ADAMTSL1: variants seen among roughly 807,000 people sequenced by gnomAD.
ADAMTSL1 encodes the protein ADAMTS like 1, also known as ADAMTS-like protein 1.
A neutral mutation model predicts 201.8 loss-of-function variants in ADAMTSL1; 126 were observed. The observed-to-expected ratio is 0.62, with a 90% CI of 0.54 to 0.72. The LOEUF (loss-of-function observed/expected upper bound fraction) is 0.72. ADAMTSL1 is among the 30% of genes least tolerant of loss of function. ADAMTSL1 has a pLI of 0.00. For missense variants in ADAMTSL1, 2,679 were observed against 2,277.8 expected (o/e 1.18, Z -3.59); for synonymous variants, 1,121 against 903.4 (o/e 1.24, Z -4.32).
intron 1 of ADAMTSL1, among the ~76,000 whole-genome samples, chr9:18,022,541 T>C (rs1820521858): frequency 6.6e-6 from 1 of 151,260 alleles, no homozygotes; most frequent in Non-Finnish European, 1.5e-5. Context: ...AAACGTAATG[T>C]TATTTTTTTT....
chr9:18,138,853 C>A (rs1342066881), intron 1 of ADAMTSL1, among the ~76,000 whole-genome samples: 1 of 152,080 alleles, frequency 6.6e-6, no homozygotes, highest in South Asian at 2.1e-4. Context: ...CGCTCTGCCT[C>A]AAGTGGATTG....
intron 2 of ADAMTSL1, among the ~76,000 whole-genome samples, chr9:18,436,716 C>G (rs369946550): frequency 2.0e-5 from 3 of 152,264 alleles, no homozygotes; most frequent in African/African-American, 4.8e-5. Context: ...CTGATTCCCC[C>G]CTCCTCCTGG....
chr9:18,457,080 C>T (rs1418733039), intron 2 of ADAMTSL1, among the ~76,000 whole-genome samples: 1 of 151,934 alleles, frequency 6.6e-6, no homozygotes, highest in Non-Finnish European at 1.5e-5. Context: ...ATTTTGTCAC[C>T]CCACATTTCA....
chr9:18,572,320 G>T (rs374709283), intron 3 of ADAMTSL1, among the ~76,000 whole-genome samples: 1 of 151,980 alleles, frequency 6.6e-6, no homozygotes, highest in East Asian at 1.9e-4. Flanking sequence ...CAAAATAAAC[G>T]TGTAAACAGC....
At chr9:18,895,688 C>T (rs758297451) in intron 26 of ADAMTSL1, among the ~76,000 whole-genome samples, 27 of 152,262 alleles carry the variant, frequency 1.8e-4, no homozygotes, top group Non-Finnish European at 2.5e-4. Flanking sequence ...GAAGACCTTA[C>T]GCTTTCACCT....
In ADAMTSL1 at chr9:18,892,290, C is replaced by A. The variant is rs528709949; in HGVS notation, c.4644-99C>A. On this transcript the variant is annotated intron_variant, in intron 25 of 28. Transcript: ENST00000380548. ...AATACTGTAAAAAGGGCCTTGGCCC[C>A]AAATTAGTGGCAAGAGCAGGGATGT... The A allele has an allele frequency of 1.9e-4, 238 of 1,261,868 alleles. No individual in the cohort carries two copies. In the Middle Eastern group the frequency reaches 4.6e-3, roughly 24 times the overall value. The allele number at this position is 1,261,868 out of a possible 1,614,324, so 78.2% of individuals were successfully genotyped here.
intron 20 of ADAMTSL1, chr9:18,796,610 A>T (rs1822437758): frequency 6.6e-6 from 1 of 152,240 alleles, no homozygotes; most frequent in East Asian, 1.9e-4. Context: ...CCATGACTTC[A>T]GGCTGATCTG....
chr9:18,278,229 T>C (rs989667972), intron 2 of ADAMTSL1, among the ~76,000 whole-genome samples: 1 of 152,190 alleles, frequency 6.6e-6, no homozygotes, highest in Non-Finnish European at 1.5e-5. Context: ...GAATTTGACT[T>C]TTGATGTTTA....
intron 26 of ADAMTSL1, among the ~76,000 whole-genome samples, chr9:18,905,067 C>A (rs1031456449): frequency 6.6e-6 from 1 of 152,150 alleles, no homozygotes; most frequent in Non-Finnish European, 1.5e-5. Flanking sequence ...AAGTTAAGAG[C>A]CTTTGTTCTA....
intron 1 of ADAMTSL1, among the ~76,000 whole-genome samples, chr9:18,058,677 C>A (rs183558403): frequency 6.6e-6 from 1 of 151,030 alleles, no homozygotes; most frequent in African/African-American, 2.4e-5. Flanking sequence ...CTGATTCTTT[C>A]CCTAACTGAG....
chr9:18,452,567 A>T (rs570471543), intron 2 of ADAMTSL1, among the ~76,000 whole-genome samples: 17 of 152,218 alleles, frequency 1.1e-4, no homozygotes, highest in Non-Finnish European at 2.2e-4. Context: ...ATTCATCCTA[A>T]GTCAAATTTC....
chr9:17,947,756 C>T (rs1827568141), intron 1 of ADAMTSL1, among the ~76,000 whole-genome samples: 1 of 152,110 alleles, frequency 6.6e-6, no homozygotes, highest in Non-Finnish European at 1.5e-5. Flanking sequence ...GTCAAGCATC[C>T]AGTTAATGGC....
At chr9:18,542,891 T>C (rs1820237073) in intron 3 of ADAMTSL1, among the ~76,000 whole-genome samples, 1 of 152,214 alleles carries the variant, frequency 6.6e-6, no homozygotes, top group South Asian at 2.1e-4. Context: ...TCATGGGTAA[T>C]TTCTCCTGAT....
intron 1 of ADAMTSL1, among the ~76,000 whole-genome samples, chr9:18,010,836 A>G (rs1011677070): frequency 3.3e-5 from 5 of 152,084 alleles, no homozygotes; most frequent in African/African-American, 1.2e-4. Context: ...CAAAAATGTA[A>G]TACACAATTA....
chr9:17,930,695 G>T (rs909552764), intron 1 of ADAMTSL1, among the ~76,000 whole-genome samples: 3 of 152,166 alleles, frequency 2.0e-5, no homozygotes, highest in Non-Finnish European at 2.9e-5. Context: ...AAATAGGAGT[G>T]TGAGTTTTGT....
intron 23 of ADAMTSL1, among the ~76,000 whole-genome samples, chr9:18,834,557 A>G (rs192690539): frequency 6.6e-6 from 1 of 152,272 alleles, no homozygotes; most frequent in African/African-American, 2.4e-5. Context: ...CATCACCACA[A>G]TCAATATAAT....
At chr9:18,202,922 A>G (rs1437865029) in intron 2 of ADAMTSL1, among the ~76,000 whole-genome samples, 1 of 152,144 alleles carries the variant, frequency 6.6e-6, no homozygotes. Context: ...AGCTAACTAC[A>G]GAAAGTAGTT....
intron 2 of ADAMTSL1, among the ~76,000 whole-genome samples, chr9:18,404,273 T>C (rs1454498076): frequency 6.6e-6 from 1 of 152,250 alleles, no homozygotes; most frequent in Non-Finnish European, 1.5e-5. Context: ...TTATTGGGCA[T>C]GATTAACTCC....
chr9:18,891,336 C>T (rs957583865), intron 25 of ADAMTSL1, among the ~76,000 whole-genome samples: 1 of 152,078 alleles, frequency 6.6e-6, no homozygotes, highest in Non-Finnish European at 1.5e-5. Context: ...GTTTTTTAAC[C>T]GTTTTGTTAG....
Sources: allele counts gnomAD v4.1 joint callset (sites outside exome capture counted in the v4.1 genomes callset), GRCh38; gene constraint gnomAD v4.1.1; transcripts MANE v1.5; gene names NCBI Gene and HGNC (gene_info 2026-07-23, HGNC 2026-07-21).